CCDC93: variants seen among roughly 807,000 people sequenced by gnomAD.
CCDC93 encodes CCC complex scaffolding subunit CCDC93.
Under a neutral mutation model 108.2 loss-of-function variants are expected in CCDC93, and 61 were observed. The observed-to-expected ratio is 0.56, with a 90% confidence interval of 0.46 to 0.70. The LOEUF is 0.70. Ranked by LOEUF, CCDC93 falls within the 30% of genes least tolerant of loss-of-function variation. The pLI is 0.00. For missense variants in CCDC93, 685 were observed against 764.2 expected (o/e 0.90, Z 1.22); for synonymous variants, 276 against 260.4 (o/e 1.06, Z -0.58).
intron 7 of CCDC93, chr2:117,985,594 G>A: frequency 6.3e-6 from 1 of 159,806 alleles, no homozygotes; most frequent in Non-Finnish European, 1.3e-5. Context: ...CATTTTCCTA[G>A]TTAGGACAAT....
chr2:118,008,314 T>C (rs188973470), intron 2 of CCDC93, among the ~76,000 whole-genome samples: 3 of 152,360 alleles, frequency 2.0e-5, no homozygotes, highest in Non-Finnish European at 2.9e-5. Context: ...TTTTGCTTCT[T>C]TGCATTTCCT....
At chr2:117,952,476 CT>C (rs746900095) in intron 12 of CCDC93, 41 bp from the exon 13 acceptor site, 27 of 1,331,798 alleles carry the variant, frequency 2.0e-5, no homozygotes, top group Admixed American at 3.4e-5. Context: ...TCATTTGATC[CT>C]TATGACAACA....
intron 4 of CCDC93, chr2:117,999,438 T>C (rs940912359): frequency 2.6e-5 from 4 of 152,212 alleles, no homozygotes; most frequent in Non-Finnish European, 5.9e-5. Context: ...CATTTCTCAC[T>C]TTCCTCAAAT....
intron 23 of CCDC93, among the ~76,000 whole-genome samples, chr2:117,925,340 A>T (rs1678042489): frequency 3.3e-5 from 5 of 152,234 alleles, no homozygotes; most frequent in Admixed American, 3.3e-4. Context: ...CTGGATAAAG[A>T]GTCAAGACCC....
chr2:117,998,387 A>T (rs1418271135), intron 4 of CCDC93: 2 of 152,218 alleles, frequency 1.3e-5, no homozygotes. Flanking sequence ...ATCATAGTTA[A>T]ATGTATTTAA....
intron 11 of CCDC93, among the ~76,000 whole-genome samples, chr2:117,968,303 A>C (rs1487072896): frequency 2.6e-5 from 4 of 152,204 alleles, no homozygotes; most frequent in African/African-American, 9.7e-5. Context: ...TTGGACAGTC[A>C]GGCATTTCAG....
At chr2:118,007,270 C>T (rs1676899098) in intron 2 of CCDC93, among the ~76,000 whole-genome samples, 1 of 152,234 alleles carries the variant, frequency 6.6e-6, no homozygotes, top group South Asian at 2.1e-4. Context: ...ACCTGAGAAT[C>T]CCTGGCTCTA....
At chr2:117,967,662 C>T (rs1679631503) in intron 11 of CCDC93, among the ~76,000 whole-genome samples, 1 of 152,222 alleles carries the variant, frequency 6.6e-6, no homozygotes, top group South Asian at 2.1e-4. Flanking sequence ...CAGTCCTGCA[C>T]TCAAACCTGG....
intron 21 of CCDC93, chr2:117,936,411 T>C (rs977246583): frequency 4.7e-5 from 15 of 315,984 alleles, no homozygotes; most frequent in Non-Finnish European, 8.1e-5. Flanking sequence ...TTAACAAATA[T>C]TAATTTGATA....
intron 23 of CCDC93, among the ~76,000 whole-genome samples, chr2:117,927,830 G>A (rs1436680886): frequency 2.0e-5 from 3 of 152,122 alleles, no homozygotes; most frequent in Non-Finnish European, 2.9e-5. Context: ...GAACAAAGCT[G>A]GAGGCATCAT....
At position 117,920,396 on chromosome 2, in the gene CCDC93, C is replaced by T. The variant is rs1208287392; in HGVS notation, c.1843G>A (p.Glu615Lys). 1 of 1,611,712 alleles carries T rather than the reference C, an allele frequency of 6.2e-7. No individual in the cohort carries two copies. The highest frequency in any genetic ancestry group is 8.5e-7 in the Non-Finnish European group (1 of 1,178,240). ...AGCAGCATCTCGTTCTTGCGGCCCT[C>T]CTGGAGGGAAAGCAGAGAGTATAGA... Reference protein sequence around the residue: ...YFKTVKEFKEEGRKNEMLLSK... With the variant: ...YFKTVKEFKEKGRKNEMLLSK... Residue 615 changes from glutamate to lysine, a missense_variant and splice_region_variant, in exon 24 of 24, where the codon GAG (glutamate) becomes AAG (lysine). Coordinates refer to ENST00000376300, the MANE Select transcript of CCDC93 (RefSeq NM_019044.5).
intron 3 of CCDC93, among the ~76,000 whole-genome samples, chr2:118,002,541 T>C (rs1296179100): frequency 6.6e-6 from 1 of 152,158 alleles, no homozygotes; most frequent in Non-Finnish European, 1.5e-5. Flanking sequence ...AATACCCCAC[T>C]GATCATAAGA....
chr2:117,928,047 G>A (rs1678183593), intron 23 of CCDC93, among the ~76,000 whole-genome samples: 1 of 152,028 alleles, frequency 6.6e-6, no homozygotes, highest in Non-Finnish European at 1.5e-5. Context: ...TGGGAAAACT[G>A]GCTAGCCATT....
intron 12 of CCDC93, among the ~76,000 whole-genome samples, chr2:117,955,301 C>T (rs970814930): frequency 6.6e-6 from 1 of 151,776 alleles, no homozygotes; most frequent in Non-Finnish European, 1.5e-5. Context: ...GCATACGTGT[C>T]TGTAAAAGCC....
chr2:117,928,823 C>A (rs1163756356), intron 23 of CCDC93, among the ~76,000 whole-genome samples: 1 of 152,146 alleles, frequency 6.6e-6, no homozygotes, highest in African/African-American at 2.4e-5. Flanking sequence ...ATGTTTATTG[C>A]AGCACTATTC....
At chr2:117,973,414 G>GAA (rs11387750) in intron 11 of CCDC93, among the ~76,000 whole-genome samples, 267 of 142,192 alleles carry the variant, frequency 1.9e-3, no homozygotes, top group East Asian at 4.9e-3. Flanking sequence ...TCTTAGGATG[G>GAA]AAAAAAAAAA....
rs891383303 is a variant in CCDC93 at position 117,951,367 on chromosome 2, T to C, written c.1068+1006A>G. 17 of 985,254 alleles carry C rather than the reference T, an allele frequency of 1.7e-5. No homozygotes were observed. The African/African-American group carries it at 3.0e-4, about 17-fold the overall frequency. 61.0% of individuals were successfully genotyped at this position (985,254 alleles called of 1,614,324 possible). A position where few individuals can be genotyped will look rare whatever the true frequency, so the allele number is the denominator to read the frequency against. ...AGAAAAAAATTATTCTAATTGACAT[T>C]CATGTGCCTGCCCTTTTGAAATATT... On this transcript the variant is annotated intron_variant, in intron 13 of 23. Coordinates refer to ENST00000376300, the MANE Select transcript of CCDC93 (RefSeq NM_019044.5).
chr2:117,993,073 C>T (rs981760548), intron 6 of CCDC93, among the ~76,000 whole-genome samples: 2 of 152,050 alleles, frequency 1.3e-5, no homozygotes, highest in Non-Finnish European at 2.9e-5. Flanking sequence ...GAGATTTACA[C>T]ATAAAGATAT....
At chr2:117,979,628 T>C (rs775817320) in intron 7 of CCDC93, among the ~76,000 whole-genome samples, 8 of 152,216 alleles carry the variant, frequency 5.3e-5, no homozygotes, top group Non-Finnish European at 1.2e-4. Context: ...CATCTGACCT[T>C]GCAACAGATT....
Sources: gnomAD v4.1 joint callset for allele counts (sites outside exome capture counted in the v4.1 genomes callset) on GRCh38, gnomAD v4.1.1 for gene constraint, MANE v1.5 for transcripts, NCBI Gene and HGNC (gene_info 2026-07-23, HGNC 2026-07-21) for gene names.